HSD17B14: variants seen among roughly 807,000 people sequenced by gnomAD.
The protein encoded by HSD17B14 is hydroxysteroid 17-beta dehydrogenase 14, also known as L-fucose dehydrogenase.
In HSD17B14, 32 loss-of-function variants were observed where a neutral mutation model predicts 32.2. The ratio of observed to expected loss-of-function variants is 0.99; its 90% CI spans 0.75 to 1.33. The LOEUF (loss-of-function observed/expected upper bound fraction) is 1.33, where lower values mean the gene tolerates loss of function less well. Among genes scored for constraint, HSD17B14 ranks in the 40% most tolerant of loss-of-function variants. HSD17B14 has a pLI of 0.00. For synonymous variants in HSD17B14, 140 were observed against 155.4 expected, an observed-to-expected ratio of 0.90 and a Z score of 0.74; for missense variants, 370 against 366.5, an observed-to-expected ratio of 1.01 and a Z score of -0.08.
intron 2 of HSD17B14, 61 bp from the exon 3 acceptor site, chr19:48,834,419 A>AG (rs1555777886): frequency 2.0e-6 from 2 of 987,560 alleles, no homozygotes; most frequent in Non-Finnish European, 1.5e-6. Flanking sequence ...GGGGTTGGGG[A>AG]CTTGGACTCC....
chr19:48,821,767 G>C (rs978206021), intron 5 of HSD17B14, among the ~76,000 whole-genome samples: 6 of 145,236 alleles, frequency 4.1e-5, no homozygotes, highest in African/African-American at 1.5e-4. Flanking sequence ...TGAGGATGAT[G>C]ATAAGGATGA....
intron 5 of HSD17B14, among the ~76,000 whole-genome samples, chr19:48,828,280 A>G (rs565791468): frequency 6.4e-4 from 98 of 152,268 alleles, no homozygotes; most frequent in African/African-American, 2.2e-3. Flanking sequence ...ACATGTTTGA[A>G]CTATAGAGTG....
rs1035110585 is a variant in HSD17B14 at position 48,831,661 on chromosome 19, C to T, written c.369+7G>A. The T allele has an allele frequency of 2.5e-6, 4 of 1,610,162 alleles. No individual in the cohort carries two copies. The African/African-American group carries it at 5.3e-5, about 22-fold the overall frequency. Reference sequence around the variant, plus strand: ...TCGGGCCTGGCGGCAGGGTCGCCAGCCCTCACCTTGGTCAAGGTGTACGTC... The same window carrying T: ...TCGGGCCTGGCGGCAGGGTCGCCAGTCCTCACCTTGGTCAAGGTGTACGTC... On this transcript the variant is annotated splice_region_variant and intron_variant, in intron 5 of 8. Coordinates refer to ENST00000263278, the MANE Select transcript of HSD17B14 (RefSeq NM_016246.3).
At chr19:48,834,191 A>AG in intron 3 of HSD17B14, 85 bp downstream of exon 3, 1 of 1,089,334 alleles carries the variant, frequency 9.2e-7, no homozygotes, top group Non-Finnish European at 1.4e-6. Flanking sequence ...GGAAAAGTAG[A>AG]GGGAAAGGCA....
At chr19:48,817,265 C>T (rs2035073298) in intron 5 of HSD17B14, among the ~76,000 whole-genome samples, 1 of 151,802 alleles carries the variant, frequency 6.6e-6, no homozygotes, top group South Asian at 2.1e-4. Context: ...GCAACCTCCT[C>T]CCCCCAGGTT....
intron 5 of HSD17B14, among the ~76,000 whole-genome samples, chr19:48,824,079 A>G (rs1599834740): frequency 7.0e-6 from 1 of 143,540 alleles, no homozygotes; most frequent in African/African-American, 2.6e-5. Flanking sequence ...ACATGGTGAA[A>G]CCCTGTCTCT....
At chr19:48,816,862 G>T (rs923825464) in intron 5 of HSD17B14, among the ~76,000 whole-genome samples, 2 of 126,266 alleles carry the variant, frequency 1.6e-5, no homozygotes, top group Non-Finnish European at 3.4e-5. Flanking sequence ...TTCAGATAGG[G>T]TATCACTCTG....
At chr19:48,825,309 T>A (rs562445820) in intron 5 of HSD17B14, among the ~76,000 whole-genome samples, 1 of 151,486 alleles carries the variant, frequency 6.6e-6, no homozygotes, top group South Asian at 2.1e-4. Flanking sequence ...TAGAGCAAGT[T>A]ATTCTTGCTT....
chr19:48,816,022 GAAAAAAAAA>G (rs71179053), intron 5 of HSD17B14, among the ~76,000 whole-genome samples: 1 of 74,310 alleles, frequency 1.3e-5, no homozygotes, highest in African/African-American at 4.3e-5. Flanking sequence ...CTCCGTTTCA[GAAAAAAAAA>G]AAAAAAAAAA....
rs779187054 is a variant in HSD17B14, at chr19:48,813,126, T to C, written c.*49A>G. On this transcript the variant is annotated 3_prime_UTR_variant, in exon 9 of 9. Transcript: ENST00000263278. ...GCTGCATCTGATACAGGTTGGAGTTTGGGGTGGGAGAGTCCTAGGAAGGGG... is the reference window on the plus strand; with the variant it reads ...GCTGCATCTGATACAGGTTGGAGTTCGGGGTGGGAGAGTCCTAGGAAGGGG... 14 of 1,334,378 alleles carry C rather than the reference T, an allele frequency of 1.0e-5. No homozygotes were observed. Among genetic ancestry groups the C allele is most frequent in the Middle Eastern group, 2.7e-4 (1 of 3,726 alleles). The allele number at this position is 1,334,378 out of a possible 1,614,324, so 82.7% of individuals were successfully genotyped here. A position where few individuals can be genotyped will look rare whatever the true frequency, so the allele number is the denominator to read the frequency against.
chr19:48,816,787 C>CTTTCTTTCTTTCTTTCTTTCT (rs1568517361), intron 5 of HSD17B14, among the ~76,000 whole-genome samples: 1 of 102,998 alleles, frequency 9.7e-6, no homozygotes, highest in Non-Finnish European at 1.9e-5. Flanking sequence ...CTTTTTCTTT[C>CTTTCTTTCTTTCTTTCTTTCT]TTTCTTTCTT....
At position 48,813,190 on chromosome 19, in the gene HSD17B14, G is replaced by A. The variant is rs1002757744; in HGVS notation, c.798C>T (p.Pro266=). ...ATGAGAGAAATCAGGAAGGGATATC[G>A]GGGGCGTCCACGGGGGTGCTCCGAC... ...KASRSTPVDA[P]DIPS The change falls in exon 9 of 9, where the codon CCC becomes CCT. Residue 266 remains proline (P), a synonymous_variant. Coordinates refer to ENST00000263278, the MANE Select transcript of HSD17B14 (RefSeq NM_016246.3). 1.9e-6 allele frequency: 3 copies of A among 1,597,502 alleles called. No homozygotes were observed. Among genetic ancestry groups the A allele is most frequent in the East Asian group, 4.5e-5 (2 of 44,630 alleles).
chr19:48,833,139 C>T (rs902951275), intron 3 of HSD17B14, among the ~76,000 whole-genome samples: 1 of 151,404 alleles, frequency 6.6e-6, no homozygotes, highest in Non-Finnish European at 1.5e-5. Context: ...GGAAGCTGAA[C>T]TCCCAGGTCA....
chr19:48,820,178 A>G (rs1166880619), intron 5 of HSD17B14, among the ~76,000 whole-genome samples: 1 of 150,474 alleles, frequency 6.6e-6, no homozygotes, highest in Non-Finnish European at 1.5e-5. Context: ...AAACCGAAAA[A>G]GAACGTTGCC....
At chr19:48,816,998 G>T (rs1168764524) in intron 5 of HSD17B14, among the ~76,000 whole-genome samples, 1 of 138,488 alleles carries the variant, frequency 7.2e-6, no homozygotes, top group Non-Finnish European at 1.5e-5. Flanking sequence ...CCCACACCAG[G>T]ATAATTTTTT....
chr19:48,819,593 G>A (rs965304229), intron 5 of HSD17B14, among the ~76,000 whole-genome samples: 1 of 152,040 alleles, frequency 6.6e-6, no homozygotes, highest in Non-Finnish European at 1.5e-5. Context: ...CCAGGCCCTC[G>A]CCCTGCCATC....
In HSD17B14 at chr19:48,831,653, G is replaced by A; in HGVS notation, c.369+15C>T. The A allele has an allele frequency of 6.2e-7, 1 of 1,604,128 alleles. No homozygotes were observed. Among genetic ancestry groups the A allele is most frequent in the Non-Finnish European group, 8.5e-7 (1 of 1,170,930 alleles). ...GAGGCTGCTCGGGCCTGGCGGCAGG[G>A]TCGCCAGCCCTCACCTTGGTCAAGG... is the stretch of plus-strand genomic sequence containing the variant. On this transcript the variant is annotated intron_variant, in intron 5 of 8. Coordinates refer to ENST00000263278, the MANE Select transcript of HSD17B14 (RefSeq NM_016246.3).
intron 3 of HSD17B14, among the ~76,000 whole-genome samples, chr19:48,833,517 C>A (rs899601665): frequency 1.3e-5 from 2 of 151,898 alleles, no homozygotes; most frequent in African/African-American, 2.4e-5. Flanking sequence ...CATGGTGAAA[C>A]CCTGTCTCTA....
At chr19:48,832,827 C>T (rs1333420768) in intron 3 of HSD17B14, 95 bp from the exon 4 acceptor site, 3 of 1,028,608 alleles carry the variant, frequency 2.9e-6, no homozygotes, top group Non-Finnish European at 4.4e-6. Flanking sequence ...GATCTTGGCT[C>T]ACTGCAACTT....
Sources: gnomAD v4.1 joint callset for allele counts (sites outside exome capture counted in the v4.1 genomes callset) on GRCh38, gnomAD v4.1.1 for gene constraint, MANE v1.5 for transcripts, NCBI Gene and HGNC (gene_info 2026-07-23, HGNC 2026-07-21) for gene names.